Variants in RAD54L2 observed in about 807,000 individuals in gnomAD.
RAD54L2 encodes RAD54 like 2.
In RAD54L2, 27 loss-of-function variants were observed where a neutral mutation model predicts 138.4. That is an observed-to-expected ratio of 0.20 (90% CI 0.14 to 0.27). The LOEUF (loss-of-function observed/expected upper bound fraction) is 0.27, where lower values mean the gene tolerates loss of function less well. Ranked by LOEUF, RAD54L2 falls within the 10% of genes least tolerant of loss-of-function variation. RAD54L2 has a pLI of 1.00. For missense variants in RAD54L2, 1,396 were observed against 1,890.2 expected (o/e 0.74, Z 4.85); for synonymous variants, 644 against 723.2 (o/e 0.89, Z 1.76).
rs543153162 is a variant in RAD54L2 at position 51,600,089 on chromosome 3, T to C, written c.139+9530T>C. On this transcript the variant is annotated intron_variant, in intron 3 of 22. Coordinates refer to ENST00000684192, the MANE Select transcript of RAD54L2 (RefSeq NM_015106.4). Reference sequence around the variant, plus strand: ...GACTGACTATGGGCACCTGCTACCATGCCTGGCTAATTTTTGTATTTTTAG... The same window carrying C: ...GACTGACTATGGGCACCTGCTACCACGCCTGGCTAATTTTTGTATTTTTAG... Among the ~76,000 whole-genome samples the C allele has an allele frequency of 4.6e-5, 7 of 152,182 alleles. No homozygotes were observed. In the South Asian group the frequency reaches 6.2e-4, roughly 14 times the overall value.
At chr3:51,618,195 T>C (rs930670460) in intron 3 of RAD54L2, among the ~76,000 whole-genome samples, 2 of 151,226 alleles carry the variant, frequency 1.3e-5, no homozygotes, top group African/African-American at 4.9e-5. Context: ...GCCAGGATGG[T>C]CTCGCTCTCC....
intron 19 of RAD54L2, among the ~76,000 whole-genome samples, chr3:51,649,173 C>G (rs1163832108): frequency 1.3e-5 from 2 of 151,658 alleles, no homozygotes; most frequent in Non-Finnish European, 2.9e-5. Context: ...GCTTCAGTAG[C>G]CAATTCAATC....
intron 21 of RAD54L2, 78 bp downstream of exon 21, chr3:51,657,747 C>T: frequency 9.9e-7 from 1 of 1,007,764 alleles, no homozygotes; most frequent in South Asian, 1.4e-5. Flanking sequence ...ATACATATGA[C>T]TTGAGCTAGA....
At chr3:51,586,236 A>T (rs1201535872) in intron 2 of RAD54L2, among the ~76,000 whole-genome samples, 2 of 151,464 alleles carry the variant, frequency 1.3e-5, no homozygotes, top group South Asian at 4.2e-4. Context: ...CTCCTGCCTC[A>T]GTCTCCCAAG....
intron 2 of RAD54L2, among the ~76,000 whole-genome samples, chr3:51,579,282 G>C (rs554126021): frequency 7.3e-5 from 11 of 151,680 alleles, no homozygotes; most frequent in South Asian, 2.1e-4. Context: ...GGTGCAGGAT[G>C]GGGGGCAGGG....
chr3:51,626,840 T>C (rs1700704110), intron 3 of RAD54L2, among the ~76,000 whole-genome samples: 1 of 152,150 alleles, frequency 6.6e-6, no homozygotes, highest in African/African-American at 2.4e-5. Context: ...TCATGATCAT[T>C]ACATGTATTA....
At chr3:51,577,069 A>C (rs1212340283) in intron 2 of RAD54L2, among the ~76,000 whole-genome samples, 1 of 152,176 alleles carries the variant, frequency 6.6e-6, no homozygotes, top group Non-Finnish European at 1.5e-5. Flanking sequence ...GGTTTCAAAG[A>C]ACATCTTTAT....
Position 51,668,147 on chromosome 3 carries a change from T to A in RAD54L2, c.*4727T>A, listed in dbSNP as rs924754714. Reference sequence around the variant, plus strand: ...GCACCTGGGTGTAAAATGACTGTTATCTGGTTGTGTTACTCAGGGTGGGCT... The same window carrying A: ...GCACCTGGGTGTAAAATGACTGTTAACTGGTTGTGTTACTCAGGGTGGGCT... On this transcript the variant is annotated 3_prime_UTR_variant, in exon 23 of 23. Coordinates refer to ENST00000684192, the MANE Select transcript of RAD54L2 (RefSeq NM_015106.4). 1 of 152,356 alleles carries A rather than the reference T, an allele frequency of 6.6e-6. No homozygotes were observed. Among genetic ancestry groups the A allele is most frequent in the Non-Finnish European group, 1.5e-5 (1 of 68,236 alleles). The allele number at this position is 152,356 out of a possible 1,614,324, so 9.4% of individuals were successfully genotyped here.
At chr3:51,578,582 G>T (rs575309667) in intron 2 of RAD54L2, among the ~76,000 whole-genome samples, 1 of 152,120 alleles carries the variant, frequency 6.6e-6, no homozygotes, top group Non-Finnish European at 1.5e-5. Context: ...GTGGGAACTG[G>T]AGTACATGGG....
chr3:51,549,797 G>A (rs1340100904), intron 2 of RAD54L2, among the ~76,000 whole-genome samples: 1 of 151,340 alleles, frequency 6.6e-6, no homozygotes, highest in Non-Finnish European at 1.5e-5. Context: ...AAAAAAAAAG[G>A]GGGTGGGGAA....
rs141049683 is a variant in RAD54L2, at chr3:51,609,600, C to T, written c.140-17953C>T. Among the ~76,000 whole-genome samples, 22 of 152,228 alleles carry T rather than the reference C, an allele frequency of 1.4e-4. No homozygotes were observed. In the East Asian group the frequency reaches 4.1e-3, roughly 28 times the overall value. ...CTTATTTCTTTGCCTCTTGTGCTTT[C>T]CCAGCATGGTGTCTGCTGTGACATC... On this transcript the variant is annotated intron_variant, in intron 3 of 22. Transcript: ENST00000684192.
intron 3 of RAD54L2, among the ~76,000 whole-genome samples, chr3:51,608,114 G>A (rs1700244115): frequency 6.6e-6 from 1 of 151,834 alleles, no homozygotes; most frequent in Non-Finnish European, 1.5e-5. Flanking sequence ...CTCAGACGGG[G>A]CGGCCGGTCA....
chr3:51,597,341 G>C (rs73078702), intron 3 of RAD54L2, among the ~76,000 whole-genome samples: 44 of 152,098 alleles, frequency 2.9e-4, no homozygotes, highest in Non-Finnish European at 6.0e-4. Context: ...TTTGTGGTTG[G>C]GGGTAACTGG....
rs765302310 is a variant in RAD54L2 at position 51,646,451 on chromosome 3, C to T, written c.2996C>T (p.Thr999Ile). ...TACCCTGCCAGCGATCAGAGCCTGA[C>T]CAGCATCCCCGCCTTCAGCCAGAGA... ...QYYPASDQSL[T>I]SIPAFSQRNW... The change falls in exon 19 of 23, where the codon ACC becomes ATC. Residue 999 changes from threonine (T) to isoleucine (I), a missense_variant. Transcript: ENST00000684192. 4.3e-6 allele frequency: 7 copies of T among 1,611,758 alleles called. No homozygotes were observed. Among genetic ancestry groups the T allele is most frequent in the Non-Finnish European group, 5.1e-6 (6 of 1,178,692 alleles).
chr3:51,617,352 G>T (rs1354378089), intron 3 of RAD54L2, among the ~76,000 whole-genome samples: 1 of 152,184 alleles, frequency 6.6e-6, no homozygotes, highest in East Asian at 1.9e-4. Context: ...CAGTGTATGA[G>T]AGTTCCAGGT....
In RAD54L2 at chr3:51,627,763, T is replaced by C; in HGVS notation, c.341+9T>C. 6.2e-7 allele frequency: 1 copy of C among 1,613,640 alleles called. No individual in the cohort carries two copies. Among genetic ancestry groups the C allele is most frequent in the Non-Finnish European group, 8.5e-7 (1 of 1,179,602 alleles). ...ATGAGAAGAAACATACGGTGAGCTG[T>C]GCTCTGTGTAAGAGGAGAGGGAAAG... On this transcript the variant is annotated intron_variant, in intron 4 of 22. Transcript: ENST00000684192.
intron 7 of RAD54L2, among the ~76,000 whole-genome samples, chr3:51,631,768 G>A (rs1218319198): frequency 6.6e-6 from 1 of 151,924 alleles, no homozygotes; most frequent in Admixed American, 6.6e-5. Context: ...TAAGTAGCTG[G>A]GACTACAGCC....
intron 3 of RAD54L2, among the ~76,000 whole-genome samples, chr3:51,596,832 C>T (rs1447630625): frequency 6.6e-6 from 1 of 152,132 alleles, no homozygotes; most frequent in Non-Finnish European, 1.5e-5. Context: ...AATTGTTTGG[C>T]CTACGTTGTG....
In RAD54L2 at chr3:51,656,165, C is replaced by T. The variant is rs1197843664; in HGVS notation, c.3221C>T (p.Thr1074Met). 14 of 1,605,806 alleles carry T rather than the reference C, an allele frequency of 8.7e-6. No individual in the cohort carries two copies. The highest frequency in any genetic ancestry group is 1.1e-5 in the Non-Finnish European group (13 of 1,173,634). ...GTCCTTGTGCAGAAGGTGGTCACCA[C>T]GACAGGTGGGAACTCCTGGGCTCTG... ...AGVLVQKVVT[T>M]TDIVIPGLNS... Residue 1074 changes from threonine to methionine, a missense_variant, in exon 20 of 23, where the codon ACG (threonine) becomes ATG (methionine). By Grantham distance (81) the Thr-to-Met change is moderately conservative. Around this residue, in one of 7 missense-constraint regions of RAD54L2, gnomAD observed 634 missense variants for 711.2 expected, o/e 0.89. Transcript: ENST00000684192.
Sources: gnomAD v4.1 joint callset for allele counts (sites outside exome capture counted in the v4.1 genomes callset) on GRCh38, gnomAD v4.1.1 for gene constraint, gnomAD v4.1.1 regional missense constraint, MANE v1.5 for transcripts, NCBI Gene and HGNC (gene_info 2026-07-23, HGNC 2026-07-21) for gene names.